Variants in MAGI2 observed in about 807,000 individuals in gnomAD.
MAGI2 encodes the protein membrane-associated guanylate kinase, WW and PDZ domain-containing protein 2.
In MAGI2, 35 loss-of-function variants were observed where a neutral mutation model predicts 133.3. That is an observed-to-expected ratio of 0.26 (90% CI 0.20 to 0.35). MAGI2 has a LOEUF of 0.35. MAGI2 is among the 10% of genes least tolerant of loss of function. The probability of loss-of-function intolerance (pLI) is 1.00; values close to 1 mark genes in which losing one functional copy is unlikely to be tolerated. For synonymous variants in MAGI2, 729 were observed against 710.6 expected (o/e 1.03, Z -0.41); for missense variants, 1,636 against 1,863.4 (o/e 0.88, Z 2.25).
chr7:78,897,704 C>G (rs568978357), intron 2 of MAGI2, among the ~76,000 whole-genome samples: 1 of 152,074 alleles, frequency 6.6e-6, no homozygotes, highest in Non-Finnish European at 1.5e-5. Context: ...AGCATTGAAT[C>G]TATGAATTGT....
At chr7:79,259,091 A>G (rs1833898748) in intron 1 of MAGI2, among the ~76,000 whole-genome samples, 1 of 152,230 alleles carries the variant, frequency 6.6e-6, no homozygotes, top group Admixed American at 6.5e-5. Context: ...AGATCACCAG[A>G]TAGGGACCAC....
intron 9 of MAGI2, among the ~76,000 whole-genome samples, chr7:78,321,389 C>T (rs1787987960): frequency 6.6e-6 from 1 of 152,216 alleles, no homozygotes; most frequent in Non-Finnish European, 1.5e-5. Context: ...GCTACAGTAA[C>T]CAAAACAGCA....
intron 1 of MAGI2, among the ~76,000 whole-genome samples, chr7:79,051,132 A>G (rs923147185): frequency 1.3e-5 from 2 of 152,038 alleles, no homozygotes; most frequent in African/African-American, 4.8e-5. Context: ...GTCTACCCTC[A>G]CTCTAGATAA....
At chr7:78,719,761 C>A (rs1054199861) in intron 2 of MAGI2, among the ~76,000 whole-genome samples, 1 of 152,164 alleles carries the variant, frequency 6.6e-6, no homozygotes, top group Non-Finnish European at 1.5e-5. Context: ...AGTTTCATTA[C>A]AGGGGACTTA....
chr7:79,125,237 T>C (rs1584986345), intron 1 of MAGI2: 2 of 430,912 alleles, frequency 4.6e-6, no homozygotes, highest in East Asian at 1.1e-4. Context: ...AAATATACCA[T>C]ACTGTGAATG....
intron 5 of MAGI2, among the ~76,000 whole-genome samples, chr7:78,493,245 T>C (rs1340884598): frequency 6.6e-6 from 1 of 152,230 alleles, no homozygotes; most frequent in African/African-American, 2.4e-5. Flanking sequence ...CTGTACAATT[T>C]GTAAGCTTAA....
chr7:78,944,126 A>T (rs1801209257), intron 2 of MAGI2, among the ~76,000 whole-genome samples: 1 of 152,158 alleles, frequency 6.6e-6, no homozygotes, highest in Admixed American at 6.5e-5. Context: ...GAGCCACAGA[A>T]CTTAGACAAT....
intron 2 of MAGI2, among the ~76,000 whole-genome samples, chr7:78,915,893 C>A: frequency 6.6e-6 from 1 of 151,730 alleles, no homozygotes; most frequent in East Asian, 1.9e-4. Context: ...GAGAAGGTGG[C>A]GTGAGCAGAA....
chr7:78,969,018 G>A (rs1803558517), intron 2 of MAGI2, among the ~76,000 whole-genome samples: 1 of 152,054 alleles, frequency 6.6e-6, no homozygotes, highest in African/African-American at 2.4e-5. Context: ...GTATAGCTAT[G>A]TAAGCTAGAG....
chr7:78,643,023 GAAT>G (rs1416407261), intron 2 of MAGI2, among the ~76,000 whole-genome samples: 2 of 152,308 alleles, frequency 1.3e-5, no homozygotes, highest in African/African-American at 4.8e-5. Context: ...TGCCAGGAAA[GAAT>G]AATGAAACTG....
intron 2 of MAGI2, among the ~76,000 whole-genome samples, chr7:78,824,815 C>T (rs1288909927): frequency 6.6e-6 from 1 of 152,084 alleles, no homozygotes; most frequent in African/African-American, 2.4e-5. Flanking sequence ...TTGGAACCAA[C>T]CCAAGTGCCC....
At chr7:78,994,900 A>C (rs1178235583) in intron 2 of MAGI2, among the ~76,000 whole-genome samples, 1 of 152,138 alleles carries the variant, frequency 6.6e-6, no homozygotes, top group South Asian at 2.1e-4. Flanking sequence ...ATGAAATGCA[A>C]GGATGAAGAA....
At chr7:78,235,577 T>G (rs1005113112) in intron 10 of MAGI2, among the ~76,000 whole-genome samples, 1 of 152,100 alleles carries the variant, frequency 6.6e-6, no homozygotes, top group Non-Finnish European at 1.5e-5. Flanking sequence ...GGCACTTCTC[T>G]CTCCTGCTGC....
intron 3 of MAGI2, chr7:78,618,393 GAT>G (rs1807336853): frequency 2.6e-5 from 4 of 150,956 alleles, no homozygotes; most frequent in Admixed American, 2.6e-4. Context: ...ATTAAATTAT[GAT>G]ATATTATCAG....
intron 9 of MAGI2, among the ~76,000 whole-genome samples, chr7:78,280,111 T>C (rs573291528): frequency 6.6e-6 from 1 of 152,168 alleles, no homozygotes; most frequent in African/African-American, 2.4e-5. Context: ...GCCTTTGAGA[T>C]AGAGCAAGGT....
At chr7:78,829,589 C>A (rs1352272543) in intron 2 of MAGI2, among the ~76,000 whole-genome samples, 1 of 151,930 alleles carries the variant, frequency 6.6e-6, no homozygotes, top group Non-Finnish European at 1.5e-5. Flanking sequence ...ATCAAAAAGC[C>A]TGCTATAGAT....
At chr7:78,066,269 C>T (rs1813805947) in intron 21 of MAGI2, among the ~76,000 whole-genome samples, 1 of 152,022 alleles carries the variant, frequency 6.6e-6, no homozygotes, top group Non-Finnish European at 1.5e-5. Flanking sequence ...CAAGACCAGC[C>T]TGGCCAACAT....
At chr7:79,292,409 G>A (rs1463488709) in intron 1 of MAGI2, among the ~76,000 whole-genome samples, 1 of 151,846 alleles carries the variant, frequency 6.6e-6, no homozygotes, top group Non-Finnish European at 1.5e-5. Context: ...ATCACTTGAG[G>A]TCAGGGGTTT....
intron 3 of MAGI2, among the ~76,000 whole-genome samples, chr7:78,535,429 T>C (rs1336559689): frequency 6.6e-6 from 1 of 152,170 alleles, no homozygotes; most frequent in Non-Finnish European, 1.5e-5. Context: ...GTAAGATGGA[T>C]TGGAGGCAGC....
Sources: gnomAD v4.1 joint callset for allele counts (sites outside exome capture counted in the v4.1 genomes callset) on GRCh38, gnomAD v4.1.1 for gene constraint, MANE v1.5 for transcripts, NCBI Gene and HGNC (gene_info 2026-07-23, HGNC 2026-07-21) for gene names.